Variants in ZCCHC17 observed in about 807,000 individuals in gnomAD.
The protein encoded by ZCCHC17 is zinc finger CCHC-type containing 17.
ZCCHC17 carries 18 observed loss-of-function variants against 30.6 expected under a neutral mutation model. The ratio of observed to expected loss-of-function variants is 0.59; its 90% confidence interval spans 0.41 to 0.87. ZCCHC17 has a LOEUF of 0.87. Among genes scored for constraint, ZCCHC17 ranks in the 40% least tolerant of loss-of-function variants. The probability of loss-of-function intolerance (pLI) is 0.00; values close to 1 mark genes in which losing one functional copy is unlikely to be tolerated. For missense variants in ZCCHC17, 263 were observed against 284.2 expected, an observed-to-expected ratio of 0.93 and a Z score of 0.54; for synonymous variants, 88 against 92.4, an observed-to-expected ratio of 0.95 and a Z score of 0.27.
chr1:31,333,559 ATG>A (rs979111948), intron 3 of ZCCHC17, among the ~76,000 whole-genome samples: 1 of 151,896 alleles, frequency 6.6e-6, no homozygotes, highest in African/African-American at 2.4e-5. Context: ...GTGTGTGTGT[ATG>A]TGTGTGTATA....
intron 5 of ZCCHC17, among the ~76,000 whole-genome samples, chr1:31,343,542 A>G (rs560109562): frequency 6.6e-6 from 1 of 152,238 alleles, no homozygotes; most frequent in Admixed American, 6.5e-5. Flanking sequence ...TCATCCCCTC[A>G]GGTCCCAAAG....
chr1:31,315,175 C>T (rs1055262307), intron 2 of ZCCHC17, among the ~76,000 whole-genome samples: 1 of 152,108 alleles, frequency 6.6e-6, no homozygotes, highest in Non-Finnish European at 1.5e-5. Flanking sequence ...GTAACTACTT[C>T]AAATTTATTT....
At chr1:31,346,349 CTT>C (rs1639272152) in intron 5 of ZCCHC17, among the ~76,000 whole-genome samples, 1 of 152,156 alleles carries the variant, frequency 6.6e-6, no homozygotes, top group South Asian at 2.1e-4. Context: ...CTTTGAAGGT[CTT>C]TTAAACCTAT....
At chr1:31,349,412 C>T (rs1639390317) in intron 7 of ZCCHC17, among the ~76,000 whole-genome samples, 1 of 152,034 alleles carries the variant, frequency 6.6e-6, no homozygotes, top group Non-Finnish European at 1.5e-5. Flanking sequence ...CTCAGTGTAA[C>T]CTCTGCCTCC....
chr1:31,297,216 A>G (rs963190353), intron 1 of ZCCHC17, 141 bp downstream of exon 1: 3 of 400,364 alleles, frequency 7.5e-6, no homozygotes, highest in African/African-American at 2.1e-5. Flanking sequence ...CAGCTGTGGT[A>G]AGTAGTAGCC....
chr1:31,357,287 C>G (rs1328519027), intron 7 of ZCCHC17, among the ~76,000 whole-genome samples: 1 of 151,830 alleles, frequency 6.6e-6, no homozygotes, highest in South Asian at 2.1e-4. Flanking sequence ...GGGACACATT[C>G]TCTGCCTATT....
chr1:31,304,316 T>C lies in ZCCHC17; in HGVS notation c.-55-5728T>C, dbSNP rs1569732165. On this transcript the variant is annotated intron_variant, in intron 1 of 7. Transcript: ENST00000344147. ...GAGACAGAGTCTCTGTTGCCCAGGG[T>C]GGAGTTGCCCAGGGTGGAGTGCAGT... is the stretch of plus-strand genomic sequence containing the variant. Among the ~76,000 whole-genome samples, 5 of 150,998 alleles carry C rather than the reference T, an allele frequency of 3.3e-5. No individual in the cohort carries two copies. The South Asian group carries it at 1.1e-3, about 32-fold the overall frequency.
intron 7 of ZCCHC17, among the ~76,000 whole-genome samples, chr1:31,360,136 C>T (rs1485933668): frequency 6.6e-6 from 1 of 152,042 alleles, no homozygotes; most frequent in East Asian, 1.9e-4. Context: ...TGTGCCACCA[C>T]GCCCGGCTAA....
At chr1:31,297,140 G>C in intron 1 of ZCCHC17, 65 bp downstream of exon 1, 1 of 408,702 alleles carries the variant, frequency 2.4e-6, no homozygotes, top group Non-Finnish European at 4.3e-6. Context: ...CGGTTGTGCA[G>C]TCTGAACCTG....
At chr1:31,342,788 C>T (rs1303290169) in intron 5 of ZCCHC17, among the ~76,000 whole-genome samples, 1 of 152,144 alleles carries the variant, frequency 6.6e-6, no homozygotes, top group Non-Finnish European at 1.5e-5. Flanking sequence ...TAGGAATTCA[C>T]TTGAGGAGGA....
chr1:31,318,039 A>C (rs887275388), intron 2 of ZCCHC17: 5 of 666,982 alleles, frequency 7.5e-6, no homozygotes, highest in African/African-American at 1.9e-5. Context: ...TAATAGTACC[A>C]ACTCTGTACA....
At chr1:31,333,138 T>C (rs1029718801) in intron 3 of ZCCHC17, 5 of 152,174 alleles carry the variant, frequency 3.3e-5, no homozygotes, top group African/African-American at 1.2e-4. Context: ...AGTTTTTCAC[T>C]GCTAACGCTT....
At chr1:31,317,998 A>G (rs1013523072) in intron 2 of ZCCHC17, among the ~76,000 whole-genome samples, 2 of 152,190 alleles carry the variant, frequency 1.3e-5, no homozygotes, top group Non-Finnish European at 2.9e-5. Flanking sequence ...TAATCTCTTC[A>G]TGCATCTTTT....
At chr1:31,345,730 G>A (rs1639245277) in intron 5 of ZCCHC17, among the ~76,000 whole-genome samples, 1 of 150,982 alleles carries the variant, frequency 6.6e-6, no homozygotes, top group Admixed American at 6.6e-5. Flanking sequence ...AGGGTGAAGG[G>A]GAAGCAAGCA....
Position 31,364,019 on chromosome 1 carries a change from AT to A in ZCCHC17, c.565-9del. On this transcript the variant is annotated splice_polypyrimidine_tract_variant and intron_variant, in intron 7 of 7. Transcript: ENST00000344147. Reference sequence around the variant, plus strand: ...TACACATACAGTGTTGATTTTTAAAATTTTCTTTTCAGGAGAAGAAGAAAAA... The same window carrying A: ...TACACATACAGTGTTGATTTTTAAAATTTCTTTTCAGGAGAAGAAGAAAAA... The A allele has an allele frequency of 6.2e-7, 1 of 1,606,018 alleles. No individual in the cohort carries two copies.
intron 7 of ZCCHC17, among the ~76,000 whole-genome samples, chr1:31,361,711 T>G (rs1276988133): frequency 1.3e-5 from 2 of 152,232 alleles, no homozygotes; most frequent in Non-Finnish European, 2.9e-5. Flanking sequence ...GACAAGTGGC[T>G]TTCAACTTGT....
chr1:31,364,287 T>A lies in ZCCHC17; in HGVS notation c.*94T>A. 1 of 1,466,644 alleles carries A rather than the reference T, an allele frequency of 6.8e-7. No individual in the cohort carries two copies. 90.9% of individuals were successfully genotyped at this position (1,466,644 alleles called of 1,614,324 possible). On this transcript the variant is annotated 3_prime_UTR_variant, in exon 8 of 8. Coordinates refer to ENST00000344147, the MANE Select transcript of ZCCHC17 (RefSeq NM_016505.4). ...AAGACTCAATAGTGAGAATATAGCC[T>A]CCCACCCCATTAACTTCGCTCCCAT...
rs1640036394 is a variant in ZCCHC17 at position 31,364,069 on chromosome 1, C to G, written c.602C>G (p.Ser201Cys). ...KKKKHRDRKS[S>C]DSDSSDSESD... ...AAGAAACATAGAGATAGGAAGTCATCTGACTCTGACAGCTCAGACTCTGAG... is the reference window on the plus strand; with the variant it reads ...AAGAAACATAGAGATAGGAAGTCATGTGACTCTGACAGCTCAGACTCTGAG... Residue 201 changes from serine to cysteine, a missense_variant, in exon 8 of 8, where the codon TCT (serine) becomes TGT (cysteine). Transcript: ENST00000344147. 6.2e-7 allele frequency: 1 copy of G among 1,613,626 alleles called. No homozygotes were observed. The highest frequency in any genetic ancestry group is 1.3e-5 in the African/African-American group (1 of 74,886).
Position 31,337,246 on chromosome 1 carries a change from A to G in ZCCHC17, c.196A>G (p.Lys66Glu), listed in dbSNP as rs1194667912. The G allele has an allele frequency of 1.2e-6, 2 of 1,613,950 alleles. No individual in the cohort carries two copies. Among genetic ancestry groups the G allele is most frequent in the Admixed American group, 3.3e-5 (2 of 59,982 alleles). The part of the protein sequence containing the change: ...KPSEIVDVGD[K>E]VWVKLIGREM... ...CTCTGAGATAGTAGATGTTGGAGAT[A>G]AAGTGTGGGTGAAGCTTATTGGCCG... is the stretch of plus-strand genomic sequence containing the variant. Residue 66 changes from lysine (K) to glutamate (E), a missense_variant, in exon 4 of 8, where the codon AAA becomes GAA. By Grantham distance (56) the Lys-to-Glu change is moderately conservative. Coordinates refer to ENST00000344147, the MANE Select transcript of ZCCHC17 (RefSeq NM_016505.4).
Sources: gnomAD v4.1 joint callset for allele counts (sites outside exome capture counted in the v4.1 genomes callset) on GRCh38, gnomAD v4.1.1 for gene constraint, MANE v1.5 for transcripts, NCBI Gene and HGNC (gene_info 2026-07-23, HGNC 2026-07-21) for gene names.